The following SCPEP1 variants were observed in gnomAD, a reference collection of about 807,000 sequenced individuals.
SCPEP1 encodes serine carboxypeptidase 1, also known as retinoid-inducible serine carboxypeptidase.
SCPEP1 carries 51 observed loss-of-function variants against 63.8 expected under a neutral mutation model. That is an observed-to-expected ratio of 0.80 (90% CI 0.64 to 1.01). SCPEP1 has a LOEUF of 1.01. Ranked by LOEUF, SCPEP1 falls within the 50% of genes least tolerant of loss-of-function variation. SCPEP1 has a pLI of 0.00. For missense variants in SCPEP1, 499 were observed against 554.9 expected, an observed-to-expected ratio of 0.90 and a Z score of 1.01; for synonymous variants, 204 against 207.8, an observed-to-expected ratio of 0.98 and a Z score of 0.16.
intron 12 of SCPEP1, among the ~76,000 whole-genome samples, chr17:57,005,163 A>G (rs1262092677): frequency 1.3e-5 from 2 of 152,200 alleles, no homozygotes; most frequent in East Asian, 1.9e-4. Flanking sequence ...CAGGTGTGAA[A>G]TGTTCCACTT....
rs142043086 is a variant in SCPEP1, at chr17:57,000,922, C to T, written c.1062C>T (p.Asp354=). 59 of 1,613,902 alleles carry T rather than the reference C, an allele frequency of 3.7e-5. No homozygotes were observed. Among genetic ancestry groups the T allele is most frequent in the Non-Finnish European group, 3.2e-5 (38 of 1,179,994 alleles). The change falls in exon 11 of 13, where the codon GAC becomes GAT. Residue 354 remains aspartate (D), a synonymous_variant. Coordinates refer to ENST00000262288, the MANE Select transcript of SCPEP1 (RefSeq NM_021626.3). ...TGAAGCCAGTCATTAGCATTGTGGA[C>T]GAGTTGCTGGAGGCAGGGATCAACG... is the stretch of plus-strand genomic sequence containing the variant. ...DFMKPVISIV[D]ELLEAGINVT...
At position 56,988,297 on chromosome 17, in the gene SCPEP1, G is replaced by A; in HGVS notation, c.546+7G>A. On this transcript the variant is annotated splice_region_variant and intron_variant, in intron 5 of 12. Coordinates refer to ENST00000262288, the MANE Select transcript of SCPEP1 (RefSeq NM_021626.3). ...TGGTCTAGAGCTTTATAAGGTAATG[G>A]AAAATAACTTTGTTGTTATGGTTTT... The A allele has an allele frequency of 6.2e-7, 1 of 1,600,456 alleles. No homozygotes were observed. Among genetic ancestry groups the A allele is most frequent in the Non-Finnish European group, 8.5e-7 (1 of 1,170,692 alleles).
chr17:56,978,136 T>A lies in SCPEP1; in HGVS notation c.-24T>A, dbSNP rs368149430. 5.3e-6 allele frequency: 6 copies of A among 1,125,748 alleles called. No homozygotes were observed. The East Asian group carries it at 1.3e-4, about 24-fold the overall frequency. The allele number at this position is 1,125,748 out of a possible 1,614,324, so 69.7% of individuals were successfully genotyped here. ...TGGGGCGCCGGGTCCAGCCTGTTGC[T>A]GATGCTGCCGTGCGGTACTTGTCAT... On this transcript the variant is annotated 5_prime_UTR_variant, in exon 1 of 13. Coordinates refer to ENST00000262288, the MANE Select transcript of SCPEP1 (RefSeq NM_021626.3).
At chr17:56,995,413 T>C in intron 7 of SCPEP1, 94 bp from the exon 8 acceptor site, 4 of 1,351,710 alleles carry the variant, frequency 3.0e-6, no homozygotes, top group Non-Finnish European at 4.1e-6. Flanking sequence ...TTCTCCTTCC[T>C]TCCCCTCTTT....
intron 1 of SCPEP1, 146 bp downstream of exon 1, chr17:56,978,381 T>C (rs1598110639): frequency 5.1e-5 from 3 of 58,972 alleles, no homozygotes; most frequent in African/African-American, 5.7e-5. Flanking sequence ...AATCTCACTC[T>C]TTTTTTTTTT....
chr17:56,983,867 G>A (rs1597914243), intron 2 of SCPEP1: 1 of 142,042 alleles, frequency 7.0e-6, no homozygotes, highest in South Asian at 2.4e-4. Flanking sequence ...TACACAAATT[G>A]CCCTGGCTTT....
At chr17:56,992,663 A>G (rs540609745) in intron 6 of SCPEP1, among the ~76,000 whole-genome samples, 28 of 152,064 alleles carry the variant, frequency 1.8e-4, no homozygotes, top group Non-Finnish European at 4.0e-4. Context: ...CCTTACAACA[A>G]CTCCATGGGA....
chr17:56,993,601 G>A (rs1255324116), intron 6 of SCPEP1, among the ~76,000 whole-genome samples: 4 of 152,048 alleles, frequency 2.6e-5, no homozygotes, highest in South Asian at 2.1e-4. Context: ...CCACCACTAC[G>A]CCTGGCTAAT....
In SCPEP1 at chr17:57,006,282, C is replaced by CT. The variant is rs764964216; in HGVS notation, c.*48dup. The CT allele has an allele frequency of 2.2e-5, 33 of 1,480,544 alleles. No individual in the cohort carries two copies. Among genetic ancestry groups the CT allele is most frequent in the Non-Finnish European group, 2.5e-5 (27 of 1,081,114 alleles). The allele number at this position is 1,480,544 out of a possible 1,614,324, so 91.7% of individuals were successfully genotyped here. ...GCTGGTTTGGCCTTGGGGCACAGAG[C>CT]TGAGCTGAGGCCGCTGAAGCTGTAG... On this transcript the variant is annotated 3_prime_UTR_variant, in exon 13 of 13. Transcript: ENST00000262288.
rs1294953631 is a variant in SCPEP1 at position 57,006,668 on chromosome 17, A to G, written c.*433A>G. 2 of 152,298 alleles carry G rather than the reference A, an allele frequency of 1.3e-5. No individual in the cohort carries two copies. The highest frequency in any genetic ancestry group is 4.8e-5 in the African/African-American group (2 of 41,440). 9.4% of individuals were successfully genotyped at this position (152,298 alleles called of 1,614,324 possible). On this transcript the variant is annotated 3_prime_UTR_variant, in exon 13 of 13. Transcript: ENST00000262288. ...ATATATACATATATATTTTTTACCAAAATGAATCATTACTCTATGTTGTTT... is the reference window on the plus strand; with the variant it reads ...ATATATACATATATATTTTTTACCAGAATGAATCATTACTCTATGTTGTTT...
chr17:56,998,597 G>GTGA (rs1911646302), intron 10 of SCPEP1, 99 bp downstream of exon 10: 2 of 842,776 alleles, frequency 2.4e-6, no homozygotes, highest in Non-Finnish European at 4.1e-6. Context: ...TTTGTTGTTG[G>GTGA]TGATGATAGG....
chr17:56,996,468 G>C (rs1911563492), intron 8 of SCPEP1, among the ~76,000 whole-genome samples: 1 of 152,000 alleles, frequency 6.6e-6, no homozygotes, highest in African/African-American at 2.4e-5. Flanking sequence ...GCCTCCCAAA[G>C]TGCTGGGATT....
At chr17:56,981,291 G>A (rs1432295538) in intron 2 of SCPEP1, 61 bp downstream of exon 2, 14 of 1,593,304 alleles carry the variant, frequency 8.8e-6, no homozygotes, top group Non-Finnish European at 1.2e-5. Flanking sequence ...GTGGCTCTTT[G>A]CTTGCTTTTT....
chr17:57,000,450 G>T (rs947722027), intron 10 of SCPEP1, among the ~76,000 whole-genome samples: 2 of 152,164 alleles, frequency 1.3e-5, no homozygotes, highest in African/African-American at 4.8e-5. Context: ...AGGCCTACCT[G>T]TTCAGAACTT....
At chr17:57,002,738 G>C (rs1911776754) in intron 12 of SCPEP1, among the ~76,000 whole-genome samples, 1 of 151,838 alleles carries the variant, frequency 6.6e-6, no homozygotes, top group Non-Finnish European at 1.5e-5. Context: ...GGGCACGGTG[G>C]CGCATGCCTG....
chr17:56,990,996 T>C (rs1938611328), intron 5 of SCPEP1, 103 bp from the exon 6 acceptor site: 2 of 870,316 alleles, frequency 2.3e-6, no homozygotes, highest in South Asian at 2.6e-5. Flanking sequence ...GGTCTTGTAT[T>C]CCTAGGCTCA....
At chr17:57,002,441 C>T (rs1911767917) in intron 12 of SCPEP1, among the ~76,000 whole-genome samples, 1 of 152,136 alleles carries the variant, frequency 6.6e-6, no homozygotes, top group Non-Finnish European at 1.5e-5. Context: ...TTAGGCCAGG[C>T]ACAGAGGCTC....
chr17:57,000,924 A>C lies in SCPEP1; in HGVS notation c.1064A>C (p.Glu355Ala). Residue 355 changes from glutamate to alanine, a missense_variant, in exon 11 of 13, where the codon GAG becomes GCG. Coordinates refer to ENST00000262288, the MANE Select transcript of SCPEP1 (RefSeq NM_021626.3). ...AAGCCAGTCATTAGCATTGTGGACG[A>C]GTTGCTGGAGGCAGGGATCAACGTG... ...FMKPVISIVD[E>A]LLEAGINVTV... 1 of 1,614,168 alleles carries C rather than the reference A, an allele frequency of 6.2e-7. No individual in the cohort carries two copies. Among genetic ancestry groups the C allele is most frequent in the Non-Finnish European group, 8.5e-7 (1 of 1,180,022 alleles).
At position 57,006,304 on chromosome 17, in the gene SCPEP1, G is replaced by C; in HGVS notation, c.*69G>C. On this transcript the variant is annotated 3_prime_UTR_variant, in exon 13 of 13. Transcript: ENST00000262288. ...GAGCTGAGCTGAGGCCGCTGAAGCTGTAGGAAGCGCCATTCTTCCCTGTAT... is the reference window on the plus strand; with the variant it reads ...GAGCTGAGCTGAGGCCGCTGAAGCTCTAGGAAGCGCCATTCTTCCCTGTAT... 1 of 1,228,312 alleles carries C rather than the reference G, an allele frequency of 8.1e-7. No homozygotes were observed. Among genetic ancestry groups the C allele is most frequent in the Non-Finnish European group, 1.1e-6 (1 of 881,158 alleles). The allele number at this position is 1,228,312 out of a possible 1,614,324, so 76.1% of individuals were successfully genotyped here.
Sources: allele counts gnomAD v4.1 joint callset (sites outside exome capture counted in the v4.1 genomes callset), GRCh38; gene constraint gnomAD v4.1.1; transcripts MANE v1.5; gene names NCBI Gene and HGNC (gene_info 2026-07-23, HGNC 2026-07-21).